Variants in IDE observed in about 807,000 individuals in gnomAD.
IDE encodes insulin degrading enzyme, also known as insulin-degrading enzyme.
In IDE, 58 loss-of-function variants were observed where a neutral mutation model predicts 133.2. The ratio of observed to expected loss-of-function variants is 0.44; its 90% CI spans 0.35 to 0.54. The LOEUF (loss-of-function observed/expected upper bound fraction) is 0.54, where lower values mean the gene tolerates loss of function less well. Among genes scored for constraint, IDE ranks in the 20% least tolerant of loss-of-function variants. The pLI is 0.00. For missense variants in IDE, 981 were observed against 1,234.0 expected (o/e 0.79, Z 3.07); for synonymous variants, 396 against 421.3 (o/e 0.94, Z 0.73).
intron 4 of IDE, among the ~76,000 whole-genome samples, chr10:92,528,462 A>G (rs78593432): frequency 8.8e-6 from 1 of 113,908 alleles, no homozygotes; most frequent in Non-Finnish European, 1.8e-5. Flanking sequence ...GTTTCTCTAG[A>G]AAAAAAAAAA....
intron 1 of IDE, among the ~76,000 whole-genome samples, chr10:92,572,703 A>G (rs1310487390): frequency 1.3e-5 from 2 of 152,120 alleles, no homozygotes; most frequent in African/African-American, 4.8e-5. Flanking sequence ...GTGTCCTTCT[A>G]ATTACCCCAA....
At chr10:92,456,493 T>C in intron 22 of IDE, 62 bp from the exon 23 acceptor site, 1 of 1,080,874 alleles carries the variant, frequency 9.3e-7, no homozygotes, top group Non-Finnish European at 1.4e-6. Context: ...AATGAGGTGT[T>C]CTCTGAAGAC....
chr10:92,478,740 T>C, intron 15 of IDE: 1 of 1,279,908 alleles, frequency 7.8e-7, no homozygotes, highest in South Asian at 1.3e-5. Context: ...AATAACCTGA[T>C]AAACAGGTAT....
chr10:92,481,337 G>A (rs12356508), intron 14 of IDE, among the ~76,000 whole-genome samples: 28,270 of 152,122 alleles, frequency 0.19, 2,913 homozygotes, highest in Middle Eastern at 0.22. Context: ...AGCTACTCAG[G>A]AGGCTGAGGT....
intron 20 of IDE, among the ~76,000 whole-genome samples, chr10:92,464,397 G>T (rs779223917): frequency 2.6e-5 from 4 of 152,184 alleles, no homozygotes; most frequent in East Asian, 3.9e-4. Flanking sequence ...TCCAAGTTCC[G>T]CATATGAACA....
chr10:92,479,806 T>C, intron 14 of IDE: 1 of 158,934 alleles, frequency 6.3e-6, no homozygotes, highest in South Asian at 2.0e-4. Context: ...ACAGAACAGA[T>C]ACAGCATTTG....
chr10:92,476,056 C>A, intron 15 of IDE, 62 bp from the exon 16 acceptor site: 1 of 705,906 alleles, frequency 1.4e-6, no homozygotes, highest in Non-Finnish European at 2.4e-6. Flanking sequence ...TCCAAATAAA[C>A]GACTTGATTT....
At chr10:92,536,138 T>G (rs1442392455) in intron 2 of IDE, among the ~76,000 whole-genome samples, 1 of 151,940 alleles carries the variant, frequency 6.6e-6, no homozygotes, top group East Asian at 1.9e-4. Flanking sequence ...ATCCCAACAC[T>G]TTGGGAGGCT....
At chr10:92,476,426 C>A (rs562686742) in intron 15 of IDE, among the ~76,000 whole-genome samples, 21 of 152,114 alleles carry the variant, frequency 1.4e-4, no homozygotes, top group Non-Finnish European at 2.6e-4. Flanking sequence ...CCATCCGCCT[C>A]GGCCTTCCAA....
At chr10:92,555,902 G>A (rs530736880) in intron 1 of IDE, among the ~76,000 whole-genome samples, 5 of 152,132 alleles carry the variant, frequency 3.3e-5, no homozygotes, top group Admixed American at 6.6e-5. Context: ...GGCCGGGCGC[G>A]GTGGCTCACG....
chr10:92,528,624 G>A (rs939800117), intron 4 of IDE, among the ~76,000 whole-genome samples: 1 of 152,184 alleles, frequency 6.6e-6, no homozygotes, highest in Admixed American at 6.5e-5. Flanking sequence ...ACAAAAAAGA[G>A]TTTGAAAGCC....
chr10:92,475,854 G>A (rs527697642), intron 16 of IDE, 30 bp downstream of exon 16: 1 of 789,006 alleles, frequency 1.3e-6, no homozygotes, highest in South Asian at 1.7e-5. Flanking sequence ...ATTATCTTAT[G>A]AATAAAAAAG....
intron 15 of IDE, among the ~76,000 whole-genome samples, chr10:92,476,714 T>C (rs1283376305): frequency 1.3e-5 from 2 of 152,180 alleles, no homozygotes; most frequent in Non-Finnish European, 2.9e-5. Context: ...CGAACTATGG[T>C]GGCATATACT....
At chr10:92,459,671 A>G (rs1288783851) in intron 22 of IDE, among the ~76,000 whole-genome samples, 1 of 152,154 alleles carries the variant, frequency 6.6e-6, no homozygotes, top group Non-Finnish European at 1.5e-5. Context: ...TACAAAAAAC[A>G]TATGTAACAC....
chr10:92,460,135 C>A (rs563531754), intron 22 of IDE, among the ~76,000 whole-genome samples: 1 of 152,162 alleles, frequency 6.6e-6, no homozygotes, highest in East Asian at 1.9e-4. Context: ...CCACGCCCAG[C>A]CGGTGTGAAT....
At chr10:92,485,451 T>C (rs1846934033) in intron 13 of IDE, among the ~76,000 whole-genome samples, 1 of 152,136 alleles carries the variant, frequency 6.6e-6, no homozygotes, top group African/African-American at 2.4e-5. Flanking sequence ...AGCTGCTAAA[T>C]TTTGGAATAA....
At chr10:92,485,218 C>A (rs1232523594) in intron 13 of IDE, among the ~76,000 whole-genome samples, 2 of 148,106 alleles carry the variant, frequency 1.4e-5, no homozygotes. Flanking sequence ...ATCTCCACCT[C>A]CTGGGTTCAA....
chr10:92,510,697 C>A (rs993129494), intron 5 of IDE, among the ~76,000 whole-genome samples: 1 of 150,756 alleles, frequency 6.6e-6, no homozygotes, highest in Admixed American at 6.6e-5. Flanking sequence ...TCACATACAT[C>A]TCACATATAT....
chr10:92,557,891 A>G (rs1843089767), intron 1 of IDE, among the ~76,000 whole-genome samples: 1 of 151,692 alleles, frequency 6.6e-6, no homozygotes. Flanking sequence ...AAAAAAAAAA[A>G]AAGGATGCAA....
Sources: gnomAD v4.1 joint callset for allele counts (sites outside exome capture counted in the v4.1 genomes callset) on GRCh38, gnomAD v4.1.1 for gene constraint, MANE v1.5 for transcripts, NCBI Gene and HGNC (gene_info 2026-07-23, HGNC 2026-07-21) for gene names.